Variants in KNTC1 observed in about 807,000 individuals in gnomAD.
KNTC1 encodes kinetochore associated 1.
Under a neutral mutation model 314.4 loss-of-function variants are expected in KNTC1, and 253 were observed. That is an observed-to-expected ratio of 0.80 (90% CI 0.73 to 0.89). The LOEUF is 0.89. KNTC1 is among the 40% of genes least tolerant of loss of function. The pLI is 0.00. For synonymous variants in KNTC1, 901 were observed against 901.4 expected, an observed-to-expected ratio of 1.00 and a Z score of 0.01; for missense variants, 2,475 against 2,572.9, an observed-to-expected ratio of 0.96 and a Z score of 0.82.
chr12:122,578,425 TTTC>T (rs1341829759), intron 31 of KNTC1, among the ~76,000 whole-genome samples: 3 of 151,884 alleles, frequency 2.0e-5, no homozygotes, highest in African/African-American at 7.3e-5. Context: ...TTTTTTTTCT[TTTC>T]TTTTCTTTTT....
rs769483654 is a variant in KNTC1, at chr12:122,574,270, A to G, written c.2284-12A>G. 5.3e-6 allele frequency: 8 copies of G among 1,515,218 alleles called. No homozygotes were observed. In the African/African-American group the frequency reaches 9.7e-5, roughly 18 times the overall value. The allele number at this position is 1,515,218 out of a possible 1,614,324, so 93.9% of individuals were successfully genotyped here. A position where few individuals can be genotyped will look rare whatever the true frequency, so the allele number is the denominator to read the frequency against. ...TAATTTTTAAAAAACATACATGTTT[A>G]TCCCTTTTTAGGATTTACTGAATAG... On this transcript the variant is annotated splice_polypyrimidine_tract_variant and intron_variant, in intron 26 of 63. Coordinates refer to ENST00000333479, the MANE Select transcript of KNTC1 (RefSeq NM_014708.6).
At chr12:122,604,466 A>G (rs1872353476) in intron 48 of KNTC1, 98 bp from the exon 49 acceptor site, 6 of 659,784 alleles carry the variant, frequency 9.1e-6, no homozygotes, top group East Asian at 6.4e-5. Flanking sequence ...CATTTTTGTA[A>G]TTTTTAAAAA....
At chr12:122,616,351 C>T (rs989828407) in intron 57 of KNTC1, among the ~76,000 whole-genome samples, 2 of 151,024 alleles carry the variant, frequency 1.3e-5, no homozygotes, top group Non-Finnish European at 3.0e-5. Context: ...CAAGCTCCGC[C>T]TGCTGGGTTC....
intron 2 of KNTC1, among the ~76,000 whole-genome samples, chr12:122,531,351 T>C (rs1961303743): frequency 6.6e-6 from 1 of 151,918 alleles, no homozygotes; most frequent in African/African-American, 2.4e-5. Flanking sequence ...GGATTACAGG[T>C]GTGTGCCACC....
chr12:122,549,823 G>A lies in KNTC1; in HGVS notation c.1045G>A (p.Val349Ile), dbSNP rs753662975. Reference sequence around the variant, plus strand: ...AATGGAAATACTATATTCTTTGGAAGTATCTAGTGTTTCTTCTCTGGTCCA... The same window carrying A: ...AATGGAAATACTATATTCTTTGGAAATATCTAGTGTTTCTTCTCTGGTCCA... ...PTMEILYSLE[V>I]SSVSSLVQTG... Residue 349 changes from valine to isoleucine, a missense_variant, in exon 13 of 64, where the codon GTA becomes ATA. Coordinates refer to ENST00000333479, the MANE Select transcript of KNTC1 (RefSeq NM_014708.6). 2.9e-5 allele frequency: 45 copies of A among 1,573,228 alleles called. No homozygotes were observed. The highest frequency in any genetic ancestry group is 3.8e-5 in the Non-Finnish European group (44 of 1,152,070).
At chr12:122,593,255 T>C in intron 42 of KNTC1, 1 of 155,698 alleles carries the variant, frequency 6.4e-6, no homozygotes, top group Non-Finnish European at 1.4e-5. Context: ...TTTATTTTTC[T>C]TTCTTTTTTT....
chr12:122,626,046 T>C (rs1363093242), intron 63 of KNTC1, among the ~76,000 whole-genome samples, 159 bp from the exon 64 acceptor site: 1 of 152,216 alleles, frequency 6.6e-6, no homozygotes, highest in Non-Finnish European at 1.5e-5. Context: ...GAGATAAATT[T>C]GTGGCGTTTA....
rs1236891324 is a variant in KNTC1, at chr12:122,601,523, T to C, written c.4564-13T>C. ...GTCTTATCAAGTTTTGATATATTTT[T>C]GTTTTTATACAGTTGGATCCTTATG... On this transcript the variant is annotated splice_polypyrimidine_tract_variant and intron_variant, in intron 44 of 63. Transcript: ENST00000333479. 2.6e-6 allele frequency: 4 copies of C among 1,515,780 alleles called. No individual in the cohort carries two copies. Among genetic ancestry groups the C allele is most frequent in the Admixed American group, 2.4e-5 (1 of 42,240 alleles). The allele number at this position is 1,515,780 out of a possible 1,614,324, so 93.9% of individuals were successfully genotyped here.
At chr12:122,549,022 A>AT (rs1281687783) in intron 12 of KNTC1, among the ~76,000 whole-genome samples, 1 of 152,014 alleles carries the variant, frequency 6.6e-6, no homozygotes, top group African/African-American at 2.4e-5. Context: ...ATAAATGCTT[A>AT]TTTTTTGCAT....
intron 53 of KNTC1, 126 bp from the exon 54 acceptor site, chr12:122,612,986 C>T (rs1873343136): frequency 1.1e-5 from 7 of 654,092 alleles, no homozygotes; most frequent in Admixed American, 5.4e-5. Context: ...CAGTGCGTTC[C>T]GTAACTGTAG....
rs374138856 is a variant in KNTC1 at position 122,571,131 on chromosome 12, G to C, written c.2019+5G>C. On this transcript the variant is annotated splice_donor_5th_base_variant and intron_variant, in intron 24 of 63. Coordinates refer to ENST00000333479, the MANE Select transcript of KNTC1 (RefSeq NM_014708.6). ...TCCTGGCATTGGATTTCCTTGGTATGATGTGAGAATGGATTTTTAGTAATG... is the reference window on the plus strand; with the variant it reads ...TCCTGGCATTGGATTTCCTTGGTATCATGTGAGAATGGATTTTTAGTAATG... 75 of 1,603,168 alleles carry C rather than the reference G, an allele frequency of 4.7e-5. No individual in the cohort carries two copies. Among genetic ancestry groups the C allele is most frequent in the Non-Finnish European group, 6.2e-5 (72 of 1,170,450 alleles).
At chr12:122,530,295 C>A in intron 2 of KNTC1, 103 bp downstream of exon 2, 1 of 956,080 alleles carries the variant, frequency 1.0e-6, no homozygotes. Context: ...CATAGCACTT[C>A]CTCAGGGAAT....
rs758949395 is a variant in KNTC1, at chr12:122,618,390, G to T, written c.6078G>T (p.Leu2026=). The change falls in exon 58 of 64, where the codon CTG becomes CTT. Residue 2026 remains leucine (L), a synonymous_variant. Transcript: ENST00000333479. ...GGCAGCGTGTGATACAGATACCACTGCTTTCAGGTATTTCGCTCTCTGAAA... is the reference window on the plus strand; with the variant it reads ...GGCAGCGTGTGATACAGATACCACTTCTTTCAGGTATTTCGCTCTCTGAAA... ...KAWQRVIQIP[L]LSASCPLSPD... is the part of the protein sequence containing the mutation. 6.2e-7 allele frequency: 1 copy of T among 1,613,626 alleles called. No homozygotes were observed. Among genetic ancestry groups the T allele is most frequent in the South Asian group, 1.1e-5 (1 of 91,054 alleles).
At chr12:122,600,894 G>A (rs1484757565) in intron 44 of KNTC1, among the ~76,000 whole-genome samples, 1 of 152,008 alleles carries the variant, frequency 6.6e-6, no homozygotes, top group African/African-American at 2.4e-5. Context: ...TTGAACTCTT[G>A]ACCCCAGGTG....
intron 32 of KNTC1, among the ~76,000 whole-genome samples, 187 bp downstream of exon 32, chr12:122,580,164 GC>G (rs1343010606): frequency 6.6e-6 from 1 of 152,162 alleles, no homozygotes; most frequent in Non-Finnish European, 1.5e-5. Flanking sequence ...AAGAACAGAT[GC>G]ATGCAAAATC....
chr12:122,605,555 T>C, intron 51 of KNTC1, 140 bp downstream of exon 51: 1 of 537,270 alleles, frequency 1.9e-6, no homozygotes, highest in Non-Finnish European at 3.4e-6. Context: ...TCTTTGTTTG[T>C]TTTGTTTTTG....
chr12:122,568,035 A>G (rs191397537), intron 20 of KNTC1, among the ~76,000 whole-genome samples: 320 of 152,290 alleles, frequency 2.1e-3, no homozygotes, highest in African/African-American at 6.5e-3. Flanking sequence ...AGGGTCCTAT[A>G]GGAAGCTACA....
At chr12:122,537,754 G>C (rs1961956795) in intron 3 of KNTC1, among the ~76,000 whole-genome samples, 1 of 152,056 alleles carries the variant, frequency 6.6e-6, no homozygotes, top group African/African-American at 2.4e-5. Flanking sequence ...TATGAGCTCT[G>C]TGACGGTGGT....
chr12:122,533,976 A>G (rs1961587282), intron 2 of KNTC1, among the ~76,000 whole-genome samples: 1 of 152,218 alleles, frequency 6.6e-6, no homozygotes, highest in African/African-American at 2.4e-5. Flanking sequence ...GCATTTGCCT[A>G]AGATCACTTA....
Sources: gnomAD v4.1 joint callset for allele counts (sites outside exome capture counted in the v4.1 genomes callset) on GRCh38, gnomAD v4.1.1 for gene constraint, MANE v1.5 for transcripts, NCBI Gene and HGNC (gene_info 2026-07-23, HGNC 2026-07-21) for gene names.